XYLB: variants seen among roughly 807,000 people sequenced by gnomAD.
XYLB encodes the protein xylulose kinase.
A neutral mutation model predicts 78.7 loss-of-function variants in XYLB; 62 were observed. The observed-to-expected ratio is 0.79, with a 90% CI of 0.64 to 0.97. The LOEUF is 0.97. Ranked by LOEUF, XYLB falls within the 50% of genes least tolerant of loss-of-function variation. The probability of loss-of-function intolerance (pLI) is 0.00; values close to 1 mark genes in which losing one functional copy is unlikely to be tolerated. For synonymous variants in XYLB, 245 were observed against 247.4 expected, an observed-to-expected ratio of 0.99 and a Z score of 0.09; for missense variants, 687 against 676.8, an observed-to-expected ratio of 1.02 and a Z score of -0.17.
intron 14 of XYLB, among the ~76,000 whole-genome samples, chr3:38,377,914 A>G (rs909842968): frequency 1.3e-5 from 2 of 152,074 alleles, no homozygotes; most frequent in East Asian, 1.9e-4. Context: ...CTCCTCCACA[A>G]TGTGACCTTT....
intron 8 of XYLB, 43 bp from the exon 9 acceptor site, chr3:38,370,013 C>T (rs768297878): frequency 5.2e-6 from 8 of 1,547,684 alleles, no homozygotes; most frequent in Non-Finnish European, 7.1e-6. Context: ...CACAAAAGGT[C>T]CATTTTCAAG....
chr3:38,365,442 C>T (rs1015574093), intron 5 of XYLB, among the ~76,000 whole-genome samples, 157 bp downstream of exon 5: 4 of 152,228 alleles, frequency 2.6e-5, no homozygotes, highest in Admixed American at 2.0e-4. Context: ...CCCCACTGGG[C>T]CAGTTCTAAG....
chr3:38,415,956 C>T (rs544928463), downstream of XYLB, among the ~76,000 whole-genome samples: 1 of 152,052 alleles, frequency 6.6e-6, no homozygotes, highest in Non-Finnish European at 1.5e-5. Flanking sequence ...CATGGACGCA[C>T]AAGAGAGCAA....
intron 15 of XYLB, among the ~76,000 whole-genome samples, chr3:38,386,823 A>G (rs1370523033): frequency 6.6e-6 from 1 of 152,212 alleles, no homozygotes; most frequent in African/African-American, 2.4e-5. Flanking sequence ...ACATCTATAA[A>G]AAGTGGATTC....
chr3:38,432,096 AT>A, the XYLB span, among the ~76,000 whole-genome samples: 39 of 140,666 alleles, frequency 2.8e-4, no homozygotes, highest in Non-Finnish European at 4.6e-4. Context: ...GCCAAGCCAC[AT>A]CATTCCACCC....
At chr3:38,425,581 A>G (rs1387311028), downstream of XYLB, among the ~76,000 whole-genome samples, 2 of 152,244 alleles carry the variant, frequency 1.3e-5, no homozygotes, top group Admixed American at 6.5e-5. Flanking sequence ...CCAGCTTCAA[A>G]GACAGAAGCA....
intron 18 of XYLB, among the ~76,000 whole-genome samples, chr3:38,404,189 C>G (rs1049546255): frequency 2.0e-5 from 3 of 152,224 alleles, no homozygotes; most frequent in African/African-American, 7.2e-5. Context: ...CAGGCTAGGA[C>G]AACCTTAGGC....
At chr3:38,432,563 CA>C in the XYLB span, among the ~76,000 whole-genome samples, 3,500 of 147,940 alleles carry the variant, frequency 0.024, 148 homozygotes, top group African/African-American at 0.082. Context: ...TAGACTCCGT[CA>C]AAAAAAAAAT....
At chr3:38,348,488 C>T in intron 1 of XYLB, 62 bp from the exon 2 acceptor site, 6 of 1,531,528 alleles carry the variant, frequency 3.9e-6, no homozygotes, top group East Asian at 2.2e-5. Context: ...ACGTTAGTAC[C>T]CCCTGGACCA....
chr3:38,417,495 T>TA (rs1708834606), downstream of XYLB, among the ~76,000 whole-genome samples: 1 of 152,166 alleles, frequency 6.6e-6, no homozygotes, highest in Non-Finnish European at 1.5e-5. Flanking sequence ...GAAGCTATAC[T>TA]AATGGCATTA....
In XYLB at chr3:38,374,452, C is replaced by T; in HGVS notation, c.848-10C>T. ...CGCCAGCTAACCAGAAGCTCCCCTC[C>T]CATTCTCAGCGTCGCTGGCAGGCAT... On this transcript the variant is annotated splice_polypyrimidine_tract_variant and intron_variant, in intron 10 of 18. Coordinates refer to ENST00000207870, the MANE Select transcript of XYLB (RefSeq NM_005108.4). 1 of 1,614,070 alleles carries T rather than the reference C, an allele frequency of 6.2e-7. No individual in the cohort carries two copies. Among genetic ancestry groups the T allele is most frequent in the Admixed American group, 1.7e-5 (1 of 60,024 alleles).
At chr3:38,444,597 G>T in the XYLB span, among the ~76,000 whole-genome samples, 1 of 152,114 alleles carries the variant, frequency 6.6e-6, no homozygotes, top group Non-Finnish European at 1.5e-5. Flanking sequence ...CTCCCCTCAG[G>T]TGGCCATTTT....
At chr3:38,356,696 T>C (rs1413260852) in intron 2 of XYLB, 1 of 152,270 alleles carries the variant, frequency 6.6e-6, no homozygotes, top group African/African-American at 2.4e-5. Context: ...CATTCCTTTT[T>C]GTGGTTCAGT....
chr3:38,438,111 T>C, the XYLB span, among the ~76,000 whole-genome samples: 1 of 152,164 alleles, frequency 6.6e-6, no homozygotes, highest in African/African-American at 2.4e-5. Flanking sequence ...GCACCTGTAG[T>C]CCCAGCTACT....
intron 8 of XYLB, among the ~76,000 whole-genome samples, chr3:38,369,584 A>G (rs704948): frequency 0.93 from 141,407 of 152,248 alleles, 65,752 homozygotes; most frequent in East Asian, 1. Flanking sequence ...CATCCTCAGG[A>G]AAGCCTTGGG....
chr3:38,368,303 G>T (rs1706370325), intron 8 of XYLB, 46 bp downstream of exon 8: 2 of 1,579,694 alleles, frequency 1.3e-6, no homozygotes, highest in Admixed American at 1.7e-5. Context: ...TGTGCATGTG[G>T]CATGTGGGTG....
intron 15 of XYLB, among the ~76,000 whole-genome samples, chr3:38,380,171 G>T (rs970690641): frequency 3.3e-5 from 5 of 152,182 alleles, no homozygotes; most frequent in East Asian, 1.9e-4. Context: ...CTCCTTAAAG[G>T]TCCCATCTTT....
chr3:38,393,209 G>A (rs370589497), intron 15 of XYLB, among the ~76,000 whole-genome samples: 7 of 151,856 alleles, frequency 4.6e-5, no homozygotes, highest in African/African-American at 1.2e-4. Flanking sequence ...GGAGTGCAGC[G>A]GCGCGATCTC....
chr3:38,365,441 G>T (rs1302092705), intron 5 of XYLB, among the ~76,000 whole-genome samples, 156 bp downstream of exon 5: 3 of 152,236 alleles, frequency 2.0e-5, no homozygotes, highest in Admixed American at 2.0e-4. Context: ...ACCCCACTGG[G>T]CCAGTTCTAA....
Sources: allele counts gnomAD v4.1 joint callset (sites outside exome capture counted in the v4.1 genomes callset), GRCh38; gene constraint gnomAD v4.1.1; transcripts MANE v1.5; gene names NCBI Gene and HGNC (gene_info 2026-07-23, HGNC 2026-07-21).